The following PTPRR variants were observed in gnomAD, a reference collection of about 807,000 sequenced individuals.
PTPRR encodes the protein protein tyrosine phosphatase receptor type R.
Under a neutral mutation model 77.2 loss-of-function variants are expected in PTPRR, and 38 were observed. The ratio of observed to expected loss-of-function variants is 0.49; its 90% CI spans 0.38 to 0.65. The LOEUF (loss-of-function observed/expected upper bound fraction) is 0.65. Ranked by LOEUF, PTPRR falls within the 30% of genes least tolerant of loss-of-function variation. The pLI, the probability that PTPRR is intolerant of heterozygous loss-of-function variation, is 0.00. For missense variants in PTPRR, 744 were observed against 799.2 expected (o/e 0.93, Z 0.83); for synonymous variants, 299 against 283.1 (o/e 1.06, Z -0.57).
intron 2 of PTPRR, among the ~76,000 whole-genome samples, chr12:70,837,011 A>C (rs1429352789): frequency 1.3e-5 from 2 of 152,080 alleles, no homozygotes; most frequent in African/African-American, 4.8e-5. Flanking sequence ...ATATTTTGCA[A>C]TATTTAAGGT....
intron 2 of PTPRR, among the ~76,000 whole-genome samples, chr12:70,856,028 C>A (rs2137073906): frequency 6.6e-6 from 1 of 152,114 alleles, no homozygotes; most frequent in African/African-American, 2.4e-5. Flanking sequence ...TTTTTTCCTC[C>A]TATATCTCTT....
At chr12:70,780,774 A>G (rs1281247092) in intron 2 of PTPRR, among the ~76,000 whole-genome samples, 1 of 152,182 alleles carries the variant, frequency 6.6e-6, no homozygotes, top group Non-Finnish European at 1.5e-5. Context: ...TAATATAATA[A>G]TATTCCTGGA....
chr12:70,797,378 A>G (rs529701129), intron 2 of PTPRR, among the ~76,000 whole-genome samples: 4 of 152,222 alleles, frequency 2.6e-5, no homozygotes, highest in African/African-American at 4.8e-5. Flanking sequence ...TTTCTACATC[A>G]TCAGTTTCTC....
At chr12:70,764,037 A>G (rs1034695734) in intron 3 of PTPRR, among the ~76,000 whole-genome samples, 5 of 132,542 alleles carry the variant, frequency 3.8e-5, no homozygotes, top group African/African-American at 1.4e-4. Flanking sequence ...TACTTTACCC[A>G]CTCAGATGCC....
chr12:70,790,782 C>A (rs560993055), intron 2 of PTPRR, among the ~76,000 whole-genome samples: 168 of 152,216 alleles, frequency 1.1e-3, no homozygotes, highest in African/African-American at 3.9e-3. Flanking sequence ...GCGGAGGTTG[C>A]AGTGAGCCAA....
intron 1 of PTPRR, among the ~76,000 whole-genome samples, chr12:70,895,072 C>A (rs949263109): frequency 6.6e-6 from 1 of 151,536 alleles, no homozygotes; most frequent in Non-Finnish European, 1.5e-5. Flanking sequence ...ATCTTTATAA[C>A]CCCACATGAA....
At chr12:70,661,718 T>G (rs1566051042) in intron 11 of PTPRR, among the ~76,000 whole-genome samples, 1 of 152,188 alleles carries the variant, frequency 6.6e-6, no homozygotes, top group Non-Finnish European at 1.5e-5. Flanking sequence ...AAATAAGTTT[T>G]GGTAAATGCC....
intron 2 of PTPRR, among the ~76,000 whole-genome samples, chr12:70,862,537 C>T (rs1484303094): frequency 7.5e-6 from 1 of 132,890 alleles, no homozygotes; most frequent in Admixed American, 9.3e-5. Flanking sequence ...GGGAATTGAA[C>T]AATGAGAACA....
At chr12:70,749,576 A>C (rs1018333982) in intron 5 of PTPRR, among the ~76,000 whole-genome samples, 6 of 152,338 alleles carry the variant, frequency 3.9e-5, no homozygotes, top group Admixed American at 2.6e-4. Flanking sequence ...ATCTGGTCCT[A>C]GTTCCCTTCA....
At chr12:70,891,967 T>TGGATCATAAC (rs1893345089) in intron 2 of PTPRR, among the ~76,000 whole-genome samples, 2 of 152,028 alleles carry the variant, frequency 1.3e-5, no homozygotes, top group Non-Finnish European at 2.9e-5. Flanking sequence ...TATAATGATG[T>TGGATCATAAC]TAAACCAGAG....
intron 1 of PTPRR, among the ~76,000 whole-genome samples, chr12:70,905,883 A>G (rs887032433): frequency 2.6e-5 from 4 of 151,954 alleles, no homozygotes; most frequent in African/African-American, 9.7e-5. Context: ...TTTTGAAAAG[A>G]CAATCATTGT....
intron 1 of PTPRR, among the ~76,000 whole-genome samples, chr12:70,919,503 C>A (rs1197407438): frequency 6.6e-6 from 1 of 152,078 alleles, no homozygotes; most frequent in African/African-American, 2.4e-5. Flanking sequence ...CATATAATAT[C>A]TCTCAGGTAC....
At chr12:70,674,989 T>TTATCTCTAG (rs1887390612) in intron 10 of PTPRR, among the ~76,000 whole-genome samples, 1 of 152,110 alleles carries the variant, frequency 6.6e-6, no homozygotes, top group South Asian at 2.1e-4. Flanking sequence ...TTGACATTCC[T>TTATCTCTAG]TATCTCTAGT....
intron 2 of PTPRR, among the ~76,000 whole-genome samples, chr12:70,791,957 GA>G (rs1234010789): frequency 6.6e-6 from 1 of 151,984 alleles, no homozygotes; most frequent in African/African-American, 2.4e-5. Flanking sequence ...TATCTCAGAG[GA>G]AAAAAAACAC....
intron 2 of PTPRR, among the ~76,000 whole-genome samples, chr12:70,878,485 A>C (rs1362005929): frequency 1.3e-5 from 2 of 152,236 alleles, no homozygotes; most frequent in African/African-American, 4.8e-5. Context: ...ATGCAGCGAA[A>C]AGACACATGA....
intron 2 of PTPRR, among the ~76,000 whole-genome samples, chr12:70,855,441 G>A (rs1413821157): frequency 2.0e-5 from 3 of 152,176 alleles, no homozygotes; most frequent in Non-Finnish European, 4.4e-5. Context: ...AACATCCATG[G>A]TCTTGAGACT....
At chr12:70,639,823 C>T (rs1369430245) in intron 13 of PTPRR, among the ~76,000 whole-genome samples, 1 of 152,156 alleles carries the variant, frequency 6.6e-6, no homozygotes, top group Non-Finnish European at 1.5e-5. Flanking sequence ...TTGACGGAGA[C>T]AAACCAAACA....
At chr12:70,910,958 T>A (rs1893690497) in intron 1 of PTPRR, among the ~76,000 whole-genome samples, 1 of 152,174 alleles carries the variant, frequency 6.6e-6, no homozygotes, top group Non-Finnish European at 1.5e-5. Flanking sequence ...GAACTATGGG[T>A]CTCCAAGGGA....
At chr12:70,767,965 A>G (rs1424330601) in intron 2 of PTPRR, among the ~76,000 whole-genome samples, 1 of 152,114 alleles carries the variant, frequency 6.6e-6, no homozygotes, top group African/African-American at 2.4e-5. Flanking sequence ...TTTGAAACCA[A>G]TGAGAACAAA....
Sources: allele counts gnomAD v4.1 joint callset (sites outside exome capture counted in the v4.1 genomes callset), GRCh38; gene constraint gnomAD v4.1.1; transcripts MANE v1.5; gene names NCBI Gene and HGNC (gene_info 2026-07-23, HGNC 2026-07-21).